The following PCGF6 variants were observed in gnomAD, a reference collection of about 807,000 sequenced individuals.
The protein encoded by PCGF6 is polycomb group ring finger 6.
Under a neutral mutation model 45.5 loss-of-function variants are expected in PCGF6, and 24 were observed. The observed-to-expected ratio is 0.53, with a 90% CI of 0.38 to 0.74. The LOEUF (loss-of-function observed/expected upper bound fraction) is 0.74, where lower values mean the gene tolerates loss of function less well. PCGF6 is among the 30% of genes least tolerant of loss of function. The pLI, the probability that PCGF6 is intolerant of heterozygous loss-of-function variation, is 0.00. For missense variants in PCGF6, 356 were observed against 443.2 expected (o/e 0.80, Z 1.77); for synonymous variants, 152 against 162.1 (o/e 0.94, Z 0.47).
At position 103,326,632 on chromosome 10, in the gene PCGF6, G is replaced by C; in HGVS notation, c.811C>G (p.Pro271Ala). The C allele has an allele frequency of 6.2e-7, 1 of 1,608,426 alleles. No homozygotes were observed. The highest frequency in any genetic ancestry group is 8.5e-7 in the Non-Finnish European group (1 of 1,178,352). The part of the protein sequence containing the change: ...GANEGTGHFK[P>A]LEKKFVRVSG... ...ACTCGAACAAACTTCTTTTCCAATG[G>C]CTACAAAAACAGACAGATAAAACTA... The change falls in exon 8 of 10, where the codon CCA (proline) becomes GCA (alanine). Residue 271 changes from proline (P) to alanine (A), a missense_variant and splice_region_variant. Pro to Ala is a conservative substitution (Grantham distance 27). Transcript: ENST00000369847.
At chr10:103,347,507 C>T in intron 3 of PCGF6, 57 bp from the exon 4 acceptor site, 2 of 1,398,302 alleles carry the variant, frequency 1.4e-6, no homozygotes, top group Admixed American at 1.9e-5. Flanking sequence ...CATTTTGGTA[C>T]AGAGTGAGTT....
chr10:103,318,804 T>A (rs916164171), intron 8 of PCGF6, among the ~76,000 whole-genome samples: 1 of 152,104 alleles, frequency 6.6e-6, no homozygotes, highest in African/African-American at 2.4e-5. Context: ...GTCTAACAAC[T>A]ACCAAATTGC....
At chr10:103,323,619 T>A (rs1297061113) in intron 8 of PCGF6, among the ~76,000 whole-genome samples, 3 of 146,326 alleles carry the variant, frequency 2.1e-5, no homozygotes, top group Admixed American at 7.1e-5. Context: ...TGATATAGAG[T>A]CTCCCTCTTG....
chr10:103,339,810 AACACACACACACACACACACAC>A (rs201660003), intron 6 of PCGF6, among the ~76,000 whole-genome samples: 3 of 32,226 alleles, frequency 9.3e-5, no homozygotes, highest in Non-Finnish European at 2.1e-4. Context: ...TCAAAAAAAA[AACACACACACACACACACACAC>A]ACACACACAC....
Position 103,339,810 on chromosome 10 carries a change from AACACACACACACAC to A in PCGF6, c.782+5200_782+5213del, listed in dbSNP as rs201660003. Among the ~76,000 whole-genome samples the A allele has an allele frequency of 3.1e-3, 100 of 32,240 alleles. 2 individuals are homozygous for A. The highest frequency in any genetic ancestry group is 0.016 in the Middle Eastern group (1 of 62). The allele number at this position is 32,240 out of a possible 152,430, so 21.2% of individuals were successfully genotyped here. A position where few individuals can be genotyped will look rare whatever the true frequency, so the allele number is the denominator to read the frequency against. Reference sequence around the variant, plus strand: ...GAAATTCTGTCTGTCTCAAAAAAAAAACACACACACACACACACACACACACACACACACACACA... The same window carrying A: ...GAAATTCTGTCTGTCTCAAAAAAAAAACACACACACACACACACACACACA... On this transcript the variant is annotated intron_variant, in intron 6 of 9. Transcript: ENST00000369847.
At chr10:103,348,007 C>T (rs1020775479) in intron 3 of PCGF6, among the ~76,000 whole-genome samples, 3 of 938 alleles carry the variant, frequency 3.2e-3, no homozygotes, top group Non-Finnish European at 0.027. Flanking sequence ...AGTATTTTTC[C>T]CTCTCTTAAG....
chr10:103,330,886 G>A (rs978398910), intron 7 of PCGF6, among the ~76,000 whole-genome samples: 2 of 152,112 alleles, frequency 1.3e-5, no homozygotes, highest in South Asian at 2.1e-4. Flanking sequence ...CCCAGATTGC[G>A]CCACTGCACT....
chr10:103,333,796 A>T (rs1053731425), intron 7 of PCGF6, 129 bp downstream of exon 7: 3 of 628,034 alleles, frequency 4.8e-6, no homozygotes, highest in Non-Finnish European at 7.9e-6. Flanking sequence ...TCATAAATCT[A>T]TAATATTATT....
chr10:103,339,126 T>C (rs2093269032), intron 6 of PCGF6, among the ~76,000 whole-genome samples: 2 of 151,100 alleles, frequency 1.3e-5, no homozygotes, highest in East Asian at 2.0e-4. Context: ...TTCTATGTAA[T>C]AAAAAGGGTG....
intron 8 of PCGF6, among the ~76,000 whole-genome samples, chr10:103,321,451 T>C (rs973202300): frequency 3.9e-5 from 6 of 152,100 alleles, no homozygotes; most frequent in East Asian, 3.9e-4. Flanking sequence ...CGGTGGCTCA[T>C]GCCTGTAATC....
intron 7 of PCGF6, among the ~76,000 whole-genome samples, chr10:103,327,721 C>T (rs2093224205): frequency 2.6e-5 from 4 of 151,686 alleles, no homozygotes; most frequent in Admixed American, 2.6e-4. Context: ...GTCACCCAGG[C>T]TGGAGTGCAA....
rs887346893 is a variant in PCGF6, at chr10:103,323,736, G to C, written c.909+2798C>G. ...GCCTCCTGAGTAGCCAGGACTACAG[G>C]TGTGCGCCACCATACCTGGCTAATT... On this transcript the variant is annotated intron_variant, in intron 8 of 9. Transcript: ENST00000369847. Among the ~76,000 whole-genome samples, 5 of 151,184 alleles carry C rather than the reference G, an allele frequency of 3.3e-5. No homozygotes were observed. The East Asian group carries it at 9.7e-4, about 29-fold the overall frequency.
At chr10:103,335,649 C>T (rs1004841474) in intron 6 of PCGF6, among the ~76,000 whole-genome samples, 3 of 151,562 alleles carry the variant, frequency 2.0e-5, no homozygotes, top group Admixed American at 6.6e-5. Context: ...GAGTGAGCCA[C>T]GGTGCCCAGC....
chr10:103,314,340 A>T, intron 8 of PCGF6, 68 bp from the exon 9 acceptor site: 2 of 923,272 alleles, frequency 2.2e-6, no homozygotes, highest in Non-Finnish European at 3.4e-6. Flanking sequence ...AATGAGGAAA[A>T]CAAATCAACA....
chr10:103,342,887 C>G (rs1020225358), intron 6 of PCGF6, among the ~76,000 whole-genome samples: 1 of 150,250 alleles, frequency 6.7e-6, no homozygotes, highest in Non-Finnish European at 1.5e-5. Flanking sequence ...TTATCATCAA[C>G]CACTACTATG....
chr10:103,340,390 T>C (rs1044972376), intron 6 of PCGF6, among the ~76,000 whole-genome samples: 1 of 151,896 alleles, frequency 6.6e-6, no homozygotes, highest in South Asian at 2.1e-4. Flanking sequence ...TGGTAATGAC[T>C]GCCTTGAGCA....
chr10:103,345,086 G>C lies in PCGF6; in HGVS notation c.720C>G (p.Val240=), dbSNP rs778127531. The part of the protein sequence containing the change: ...VPSSKGRSKK[V]LESVFRIPPE... Reference sequence around the variant, plus strand: ...GTGGAATACGAAACACTGATTCTAGGACTTTTTTAGATCTTCCTTTGCTTG... The same window carrying C: ...GTGGAATACGAAACACTGATTCTAGCACTTTTTTAGATCTTCCTTTGCTTG... The change falls in exon 6 of 10, where the codon GTC becomes GTG. Residue 240 remains valine (V), a synonymous_variant. Transcript: ENST00000369847. 1.9e-6 allele frequency: 3 copies of C among 1,613,262 alleles called. No individual in the cohort carries two copies. Among genetic ancestry groups the C allele is most frequent in the Non-Finnish European group, 2.5e-6 (3 of 1,179,580 alleles).
At chr10:103,333,368 C>G (rs918807105) in intron 7 of PCGF6, among the ~76,000 whole-genome samples, 3 of 152,068 alleles carry the variant, frequency 2.0e-5, no homozygotes, top group African/African-American at 7.2e-5. Context: ...GTCACCTATT[C>G]CTTGTATATT....
At chr10:103,312,084 C>CA (rs1225426465) in intron 9 of PCGF6, among the ~76,000 whole-genome samples, 23,420 of 47,240 alleles carry the variant, frequency 0.5, 5,577 homozygotes, top group South Asian at 0.61. Flanking sequence ...ACTCTGTCTC[C>CA]AAAAAAAAAA....
Sources: allele counts gnomAD v4.1 joint callset (sites outside exome capture counted in the v4.1 genomes callset), GRCh38; gene constraint gnomAD v4.1.1; transcripts MANE v1.5; gene names NCBI Gene and HGNC (gene_info 2026-07-23, HGNC 2026-07-21).